MLPH: variants seen among roughly 807,000 people sequenced by gnomAD.
MLPH encodes melanophilin, also known as exophilin-3.
In MLPH, 51 loss-of-function variants were observed where a neutral mutation model predicts 72.1. The observed-to-expected ratio is 0.71, with a 90% CI of 0.56 to 0.89. The LOEUF (loss-of-function observed/expected upper bound fraction) is 0.89. Among genes scored for constraint, MLPH ranks in the 40% least tolerant of loss-of-function variants. The probability of loss-of-function intolerance (pLI) is 0.00; values close to 1 mark genes in which losing one functional copy is unlikely to be tolerated. For synonymous variants in MLPH, 301 were observed against 310.1 expected (o/e 0.97, Z 0.31); for missense variants, 743 against 759.9 (o/e 0.98, Z 0.26).
chr2:237,489,962 C>T (rs2079395396), intron 1 of MLPH, among the ~76,000 whole-genome samples: 1 of 152,222 alleles, frequency 6.6e-6, no homozygotes, highest in African/African-American at 2.4e-5. Context: ...CGTCCCTCTG[C>T]CCCACTATGG....
Position 237,553,637 on chromosome 2 carries a change from C to T in MLPH, c.*45C>T, listed in dbSNP as rs779566276. 2 of 1,613,632 alleles carry T rather than the reference C, an allele frequency of 1.2e-6. No homozygotes were observed. The highest frequency in any genetic ancestry group is 1.7e-6 in the Non-Finnish European group (2 of 1,179,612). On this transcript the variant is annotated 3_prime_UTR_variant, in exon 16 of 16. Transcript: ENST00000264605. ...AGAGCAGCCCTGCACTGTTTTCCCTCCACCACAGCCATCCTGTCCCTCATT... is the reference window on the plus strand; with the variant it reads ...AGAGCAGCCCTGCACTGTTTTCCCTTCACCACAGCCATCCTGTCCCTCATT...
At chr2:237,531,419 G>T (rs1216248099) in intron 8 of MLPH, among the ~76,000 whole-genome samples, 1 of 151,686 alleles carries the variant, frequency 6.6e-6, no homozygotes, top group Non-Finnish European at 1.5e-5. Flanking sequence ...GGACATCCTT[G>T]GCTGGCTGAG....
chr2:237,490,908 A>T (rs1241834033), intron 1 of MLPH, among the ~76,000 whole-genome samples: 2 of 152,176 alleles, frequency 1.3e-5, no homozygotes, highest in African/African-American at 4.8e-5. Flanking sequence ...TATTGCAAAC[A>T]CTCAACTTTA....
intron 9 of MLPH, among the ~76,000 whole-genome samples, chr2:237,536,793 AC>A (rs1210790872): frequency 6.6e-6 from 1 of 152,062 alleles, no homozygotes; most frequent in African/African-American, 2.4e-5. Context: ...AACACTCGGG[AC>A]CCGCTGTCCT....
At chr2:237,547,876 G>A (rs901482791) in intron 13 of MLPH, among the ~76,000 whole-genome samples, 1 of 151,874 alleles carries the variant, frequency 6.6e-6, no homozygotes, top group Non-Finnish European at 1.5e-5. Context: ...AGTGGTTAGG[G>A]GTAGGATGAG....
Position 237,541,002 on chromosome 2 carries a change from A to T in MLPH, c.1446+45A>T. On this transcript the variant is annotated intron_variant, in intron 11 of 15. Transcript: ENST00000264605. This position sits in a 1 kb window ranked among gnomAD's most constrained non-coding sequence, Gnocchi z 5.1. ...GGAGCACTGAGTTCCACAAACACAG[A>T]TGGTGACCACACCCAGGCCTTGAAC... 6.4e-7 allele frequency: 1 copy of T among 1,569,350 alleles called. No homozygotes were observed. The highest frequency in any genetic ancestry group is 8.6e-7 in the Non-Finnish European group (1 of 1,157,796).
rs144295621 is a variant in MLPH, at chr2:237,541,982, G to A, written c.1447-585G>A. On this transcript the variant is annotated intron_variant, in intron 11 of 15. Transcript: ENST00000264605. The surrounding 1 kb of genome is among the most constrained non-coding windows in gnomAD (Gnocchi z 5.1). ...GTGCCAAGGCCCTGGGGTGGCAGTG[G>A]GCTTGGTGCCTGCAGGGATTAGCCG... 2.0e-5 allele frequency among the ~76,000 whole-genome samples: 3 copies of A among 152,328 alleles called. No homozygotes were observed. In the East Asian group the frequency reaches 5.8e-4, roughly 29 times the overall value.
intron 9 of MLPH, among the ~76,000 whole-genome samples, chr2:237,535,518 G>C (rs2080513438): frequency 6.6e-6 from 1 of 152,078 alleles, no homozygotes; most frequent in East Asian, 1.9e-4. Flanking sequence ...TTTTGTGTCT[G>C]AGAGACAGGC....
rs569601930 is a variant in MLPH at position 237,511,852 on chromosome 2, A to G, written c.445+751A>G. On this transcript the variant is annotated intron_variant, in intron 4 of 15. Transcript: ENST00000264605. ...ATCCCCCATAAGGCATTTGGAAGAG[A>G]TCTTTTCAGGGAGAGGGTGGGAGGA... Among the ~76,000 whole-genome samples the G allele has an allele frequency of 3.3e-5, 5 of 152,298 alleles. No homozygotes were observed. In the East Asian group the frequency reaches 9.6e-4, roughly 29 times the overall value.
At chr2:237,553,365 T>C in intron 15 of MLPH, 2 of 657,614 alleles carry the variant, frequency 3.0e-6, no homozygotes, top group South Asian at 3.4e-5. Context: ...CAGCACGAAT[T>C]GGCCTTAGGT....
chr2:237,517,347 G>T (rs1197050367), intron 4 of MLPH, among the ~76,000 whole-genome samples: 1 of 150,734 alleles, frequency 6.6e-6, no homozygotes, highest in Admixed American at 6.6e-5. Flanking sequence ...AGGTGGATGG[G>T]CGGATAGATA....
chr2:237,525,322 T>C lies in MLPH; in HGVS notation c.676-279T>C, dbSNP rs6705908. The stretch of plus-strand genomic sequence containing the variant: ...GCTGTGTCAGGAGAGTTTTGATCCC[T>C]TTGTGTCATGCCTGGCCCAGGGTGT... On this transcript the variant is annotated intron_variant, in intron 6 of 15. Transcript: ENST00000264605. Among the ~76,000 whole-genome samples, 45,649 of 152,068 alleles carry C rather than the reference T, an allele frequency of 0.3. 9,893 individuals carry two copies. Among genetic ancestry groups the C allele is most frequent in the African/African-American group, 0.62 (25,560 of 41,432 alleles).
At chr2:237,509,055 A>G (rs1391090856) in intron 2 of MLPH, among the ~76,000 whole-genome samples, 1 of 152,200 alleles carries the variant, frequency 6.6e-6, no homozygotes, top group African/African-American at 2.4e-5. Context: ...TTCACTCCTC[A>G]GGATCGGAAG....
At chr2:237,545,334 T>C in intron 12 of MLPH, 1 of 773,156 alleles carries the variant, frequency 1.3e-6, no homozygotes, top group Non-Finnish European at 1.8e-6. Context: ...GACAGCAGGA[T>C]CCTGGGCCCC....
chr2:237,516,013 G>A (rs955818677), intron 4 of MLPH, among the ~76,000 whole-genome samples: 3 of 152,238 alleles, frequency 2.0e-5, no homozygotes, highest in East Asian at 1.9e-4. Flanking sequence ...CCCTGCACCC[G>A]CAGTCCTGCT....
At chr2:237,549,131 A>G in intron 13 of MLPH, 90 bp from the exon 14 acceptor site, 1 of 1,196,682 alleles carries the variant, frequency 8.4e-7, no homozygotes, top group Middle Eastern at 1.9e-4. Context: ...GTTAATTAGA[A>G]GCTGGAAGAA....
At position 237,518,590 on chromosome 2, in the gene MLPH, A is replaced by G. The variant is rs1174618575; in HGVS notation, c.497A>G (p.Asp166Gly). Residue 166 changes from aspartate (D) to glycine (G), a missense_variant, in exon 5 of 16, where the codon GAT (aspartate) becomes GGT (glycine). Coordinates refer to ENST00000264605, the MANE Select transcript of MLPH (RefSeq NM_024101.7). ...EERSGDSDQT[D>G]EDGEPGSEAQ... Reference sequence around the variant, plus strand: ...AGAAGTGGAGACAGCGACCAGACAGATGAGGATGGAGAACCTGGCTCAGAG... The same window carrying G: ...AGAAGTGGAGACAGCGACCAGACAGGTGAGGATGGAGAACCTGGCTCAGAG... 1 of 1,613,764 alleles carries G rather than the reference A, an allele frequency of 6.2e-7. No homozygotes were observed. The highest frequency in any genetic ancestry group is 8.5e-7 in the Non-Finnish European group (1 of 1,179,936).
intron 9 of MLPH, among the ~76,000 whole-genome samples, chr2:237,536,594 C>A (rs903920773): frequency 6.6e-6 from 1 of 152,204 alleles, no homozygotes; most frequent in Non-Finnish European, 1.5e-5. Context: ...GGCCCCAACA[C>A]AAGCTCCAGC....
At position 237,525,945 on chromosome 2, in the gene MLPH, G is replaced by A. The variant is rs561169839; in HGVS notation, c.880+140G>A. On this transcript the variant is annotated intron_variant, in intron 7 of 15. Transcript: ENST00000264605. Reference sequence around the variant, plus strand: ...TTCCTTTGGCGTGATTGTCCGGGACGTGCAGTCCCAGCAAACACCGTGGAC... The same window carrying A: ...TTCCTTTGGCGTGATTGTCCGGGACATGCAGTCCCAGCAAACACCGTGGAC... 1.4e-4 allele frequency: 123 copies of A among 865,402 alleles called. 2 individuals carry two copies. In the East Asian group the frequency reaches 1.8e-3, roughly 13 times the overall value. 53.6% of individuals were successfully genotyped at this position (865,402 alleles called of 1,614,324 possible). A position where few individuals can be genotyped will look rare whatever the true frequency, so the allele number is the denominator to read the frequency against.
Sources: gnomAD v4.1 joint callset for allele counts (sites outside exome capture counted in the v4.1 genomes callset) on GRCh38, gnomAD v4.1.1 for gene constraint, Gnocchi (gnomAD v3.1) non-coding constraint, MANE v1.5 for transcripts, NCBI Gene and HGNC (gene_info 2026-07-23, HGNC 2026-07-21) for gene names.